CTIF: variants seen among roughly 807,000 people sequenced by gnomAD.
CTIF encodes CBP80/20-dependent translation initiation factor.
A neutral mutation model predicts 66.0 loss-of-function variants in CTIF; 21 were observed. The ratio of observed to expected loss-of-function variants is 0.32; its 90% CI spans 0.23 to 0.46. The LOEUF (loss-of-function observed/expected upper bound fraction) is 0.46. Among genes scored for constraint, CTIF ranks in the 20% least tolerant of loss-of-function variants. The pLI is 1.00. For synonymous variants in CTIF, 345 were observed against 326.4 expected (o/e 1.06, Z -0.62); for missense variants, 739 against 812.7 (o/e 0.91, Z 1.10).
intron 7 of CTIF, among the ~76,000 whole-genome samples, chr18:48,742,799 TTCTGCC>T (rs1370449191): frequency 1.3e-5 from 2 of 152,190 alleles, no homozygotes; most frequent in African/African-American, 4.8e-5. Context: ...CTCTCCCTGC[TTCTGCC>T]AGGGGTATTG....
Position 48,860,803 on chromosome 18 carries a change from C to T in CTIF, c.*1244C>T, listed in dbSNP as rs970303455. 2 of 152,270 alleles carry T rather than the reference C, an allele frequency of 1.3e-5. No homozygotes were observed. Among genetic ancestry groups the T allele is most frequent in the Non-Finnish European group, 2.9e-5 (2 of 68,066 alleles). The allele number at this position is 152,270 out of a possible 1,614,324, so 9.4% of individuals were successfully genotyped here. On this transcript the variant is annotated 3_prime_UTR_variant, in exon 12 of 12. Coordinates refer to ENST00000256413, the MANE Select transcript of CTIF (RefSeq NM_014772.3). ...TTCACTGGGTCATGGAAGGGACAGT[C>T]AGGTGACCAGCGGGGTCGCCAGATG...
intron 1 of CTIF, among the ~76,000 whole-genome samples, chr18:48,618,295 C>T (rs2090433349): frequency 1.3e-5 from 2 of 152,238 alleles, no homozygotes; most frequent in African/African-American, 4.8e-5. Flanking sequence ...TTATTACTGG[C>T]AGCAGCATTC....
At chr18:48,590,358 G>A (rs1432281339) in intron 1 of CTIF, among the ~76,000 whole-genome samples, 4 of 151,760 alleles carry the variant, frequency 2.6e-5, no homozygotes, top group African/African-American at 7.3e-5. Context: ...GGGCCTGCCC[G>A]GAACTGGCCT....
At chr18:48,811,501 A>T (rs1283424015) in intron 9 of CTIF, among the ~76,000 whole-genome samples, 1 of 152,202 alleles carries the variant, frequency 6.6e-6, no homozygotes, top group Non-Finnish European at 1.5e-5. Context: ...TTCTCATGCA[A>T]CCAGTCTCTA....
intron 1 of CTIF, among the ~76,000 whole-genome samples, chr18:48,570,675 A>G (rs2143642716): frequency 6.6e-6 from 1 of 152,290 alleles, no homozygotes; most frequent in South Asian, 2.1e-4. Flanking sequence ...CAAAAGTCGA[A>G]GGGGAGTTAC....
rs541586462 is a variant in CTIF, at chr18:48,734,475, A to G, written c.584+22780A>G. Among the ~76,000 whole-genome samples, 170 of 152,326 alleles carry G rather than the reference A, an allele frequency of 1.1e-3. 1 individual carries two copies. Among genetic ancestry groups the G allele is most frequent in the Non-Finnish European group, 2.1e-3 (144 of 68,036 alleles). ...CCGCTACTCGGGAGGCTGAGGCAGG[A>G]GAATCGCTAGAACGCGGGAGGCAGA... is the stretch of plus-strand genomic sequence containing the variant. On this transcript the variant is annotated intron_variant, in intron 7 of 11. Transcript: ENST00000256413.
chr18:48,555,752 A>T (rs2089004874), intron 1 of CTIF, among the ~76,000 whole-genome samples: 1 of 152,208 alleles, frequency 6.6e-6, no homozygotes, highest in Non-Finnish European at 1.5e-5. Flanking sequence ...TGGCTGAGCC[A>T]TGGAGGAAAC....
At chr18:48,621,609 G>T in intron 2 of CTIF, 1 of 359,288 alleles carries the variant, frequency 2.8e-6, no homozygotes, top group South Asian at 2.0e-5. Context: ...GAGTGGGATG[G>T]GGAGACTGCC....
At chr18:48,759,906 G>C (rs1908792908) in intron 8 of CTIF, among the ~76,000 whole-genome samples, 1 of 152,138 alleles carries the variant, frequency 6.6e-6, no homozygotes, top group African/African-American at 2.4e-5. Context: ...ATGGGCTCAG[G>C]CTCAGGCTGG....
chr18:48,774,161 C>G (rs560167741), intron 9 of CTIF, among the ~76,000 whole-genome samples: 1 of 152,160 alleles, frequency 6.6e-6, no homozygotes, highest in South Asian at 2.1e-4. Flanking sequence ...TGAGGCCAAT[C>G]GGCATCATGT....
At chr18:48,690,758 G>A (rs2091914002) in intron 6 of CTIF, among the ~76,000 whole-genome samples, 1 of 151,940 alleles carries the variant, frequency 6.6e-6, no homozygotes, top group Non-Finnish European at 1.5e-5. Flanking sequence ...CTTCCAAGCT[G>A]CATGGACTTG....
At chr18:48,702,411 A>G (rs563620490) in intron 6 of CTIF, among the ~76,000 whole-genome samples, 2 of 152,340 alleles carry the variant, frequency 1.3e-5, no homozygotes, top group African/African-American at 4.8e-5. Context: ...CGTGGAATCC[A>G]CTGAAACCTG....
chr18:48,798,854 G>A (rs2067987953), intron 9 of CTIF, among the ~76,000 whole-genome samples: 1 of 152,228 alleles, frequency 6.6e-6, no homozygotes, highest in African/African-American at 2.4e-5. Context: ...TGGGGGTGAG[G>A]ATAGGGGCTT....
In CTIF at chr18:48,620,056, G is replaced by C. The variant is rs555737410; in HGVS notation, c.180+311G>C. Among the ~76,000 whole-genome samples the C allele has an allele frequency of 5.9e-5, 9 of 152,302 alleles. No homozygotes were observed. In the East Asian group the frequency reaches 1.7e-3, roughly 29 times the overall value. On this transcript the variant is annotated intron_variant, in intron 2 of 11. Transcript: ENST00000256413. The stretch of plus-strand genomic sequence containing the variant: ...GACTATGTGCTGAACGCTGTTCCCT[G>C]TCCTCAATAAGCTTATGTTCTAGGA...
At position 48,759,029 on chromosome 18, in the gene CTIF, GC is replaced by G. The variant is rs369251776; in HGVS notation, c.1071+626del. Among the ~76,000 whole-genome samples, 223 of 152,266 alleles carry G rather than the reference GC, an allele frequency of 1.5e-3. 2 individuals carry two copies. The highest frequency in any genetic ancestry group is 3.4e-3 in the Middle Eastern group (1 of 294). On this transcript the variant is annotated intron_variant, in intron 8 of 11. Coordinates refer to ENST00000256413, the MANE Select transcript of CTIF (RefSeq NM_014772.3). Reference sequence around the variant, plus strand: ...GTGCCAGCATGAACCCGAGAGTGAGGCCTCCTTACTTTTGCTCCCAGGAGGC... The same window carrying G: ...GTGCCAGCATGAACCCGAGAGTGAGGCTCCTTACTTTTGCTCCCAGGAGGC...
At chr18:48,573,118 C>G (rs553623008) in intron 1 of CTIF, among the ~76,000 whole-genome samples, 32 of 152,254 alleles carry the variant, frequency 2.1e-4, no homozygotes, top group African/African-American at 7.2e-4. Flanking sequence ...TCTTTAAGGA[C>G]AAGAGCCCTT....
At chr18:48,622,333 A>C (rs551143493) in intron 2 of CTIF, among the ~76,000 whole-genome samples, 1 of 152,048 alleles carries the variant, frequency 6.6e-6, no homozygotes, top group Admixed American at 6.5e-5. Context: ...AGGTGGAGGA[A>C]TGCAGTCATG....
chr18:48,730,330 C>A (rs1166416752), intron 7 of CTIF, among the ~76,000 whole-genome samples: 1 of 104,612 alleles, frequency 9.6e-6, no homozygotes. Flanking sequence ...GTGTGAGGGG[C>A]CCCTGCGGTG....
intron 9 of CTIF, among the ~76,000 whole-genome samples, chr18:48,794,473 GC>G (rs1323371649): frequency 6.6e-6 from 1 of 152,206 alleles, no homozygotes; most frequent in Non-Finnish European, 1.5e-5. Flanking sequence ...GGGTCTTGGG[GC>G]CGGGGGAGGG....
Sources: gnomAD v4.1 joint callset for allele counts (sites outside exome capture counted in the v4.1 genomes callset) on GRCh38, gnomAD v4.1.1 for gene constraint, MANE v1.5 for transcripts, NCBI Gene and HGNC (gene_info 2026-07-23, HGNC 2026-07-21) for gene names.